Variants in EDIL3 observed in about 807,000 individuals in gnomAD.
EDIL3 encodes the protein EGF like and discoidin domains 3.
EDIL3 carries 37 observed loss-of-function variants against 67.4 expected under a neutral mutation model. The observed-to-expected ratio is 0.55, with a 90% CI of 0.42 to 0.72. The LOEUF (loss-of-function observed/expected upper bound fraction) is 0.72, where lower values mean the gene tolerates loss of function less well. EDIL3 is among the 30% of genes least tolerant of loss of function. EDIL3 has a pLI of 0.00. For missense variants in EDIL3, 527 were observed against 586.3 expected (o/e 0.90, Z 1.04); for synonymous variants, 195 against 196.3 (o/e 0.99, Z 0.05).
chr5:84,170,770 G>A (rs901002595), intron 4 of EDIL3, among the ~76,000 whole-genome samples: 3 of 151,668 alleles, frequency 2.0e-5, no homozygotes, highest in South Asian at 2.1e-4. Flanking sequence ...ATTATGAATC[G>A]GTTCTATTTT....
intron 3 of EDIL3, among the ~76,000 whole-genome samples, chr5:84,217,302 T>A (rs1389468566): frequency 6.6e-6 from 1 of 152,228 alleles, no homozygotes; most frequent in African/African-American, 2.4e-5. Context: ...ATCTATTTTC[T>A]CTGAAATAGG....
chr5:84,324,605 C>G (rs1295948666), intron 1 of EDIL3, among the ~76,000 whole-genome samples: 1 of 150,842 alleles, frequency 6.6e-6, no homozygotes, highest in Non-Finnish European at 1.5e-5. Context: ...AAAAACACTA[C>G]AGAAAACTAA....
chr5:83,981,792 TTTTTTA>T (rs1428944533), intron 9 of EDIL3, among the ~76,000 whole-genome samples: 1 of 152,076 alleles, frequency 6.6e-6, no homozygotes, highest in Non-Finnish European at 1.5e-5. Context: ...TTTATTATCA[TTTTTTA>T]TTATTACTAC....
At chr5:83,950,324 AG>A (rs1393823417) in intron 10 of EDIL3, among the ~76,000 whole-genome samples, 3 of 151,858 alleles carry the variant, frequency 2.0e-5, no homozygotes. Context: ...TGATGTCAAA[AG>A]TGAGGGTGGG....
intron 1 of EDIL3, among the ~76,000 whole-genome samples, chr5:84,267,474 A>T (rs773026885): frequency 6.6e-5 from 10 of 152,246 alleles, no homozygotes; most frequent in Non-Finnish European, 1.0e-4. Flanking sequence ...ATACCAGAAT[A>T]GACCAGCTTT....
At chr5:84,041,242 C>A (rs74872602) in intron 9 of EDIL3, among the ~76,000 whole-genome samples, 1,739 of 151,814 alleles carry the variant, frequency 0.011, 45 homozygotes, top group African/African-American at 0.039. Flanking sequence ...GCACAAGAAC[C>A]CAAATATATT....
intron 1 of EDIL3, among the ~76,000 whole-genome samples, chr5:84,352,648 G>A (rs2112190861): frequency 6.6e-6 from 1 of 152,168 alleles, no homozygotes; most frequent in East Asian, 1.9e-4. Context: ...TGGTGGGAGG[G>A]TAGAAGGAGA....
chr5:84,311,728 C>A (rs1344704941), intron 1 of EDIL3, among the ~76,000 whole-genome samples: 1 of 152,110 alleles, frequency 6.6e-6, no homozygotes, highest in African/African-American at 2.4e-5. Context: ...GTTTGTGTCC[C>A]TGGGTACTTG....
chr5:84,371,794 T>C (rs1472078197), intron 1 of EDIL3, among the ~76,000 whole-genome samples: 2 of 152,080 alleles, frequency 1.3e-5, no homozygotes, highest in South Asian at 4.1e-4. Context: ...ATAATATATA[T>C]TCTACCTACA....
intron 4 of EDIL3, among the ~76,000 whole-genome samples, chr5:84,150,373 T>C (rs919926304): frequency 6.6e-6 from 1 of 152,144 alleles, no homozygotes; most frequent in African/African-American, 2.4e-5. Context: ...TGGGAGAACA[T>C]ATTTGCAAAT....
chr5:84,037,985 C>CTTTTTTTTTTTTTTTTTTTTT (rs1580292622), intron 9 of EDIL3, among the ~76,000 whole-genome samples: 1 of 99,648 alleles, frequency 1.0e-5, no homozygotes, highest in African/African-American at 5.3e-5. Context: ...TTCTTTCTTT[C>CTTTTTTTTTTTTTTTTTTTTT]TTGTTTTTTT....
At chr5:84,371,008 A>G (rs573189063) in intron 1 of EDIL3, among the ~76,000 whole-genome samples, 3 of 152,108 alleles carry the variant, frequency 2.0e-5, no homozygotes, top group Admixed American at 2.0e-4. Context: ...CTGGGTATAC[A>G]TTAAGGAACA....
chr5:84,067,362 CACTT>C (rs1461325475), intron 6 of EDIL3, among the ~76,000 whole-genome samples: 4 of 152,044 alleles, frequency 2.6e-5, no homozygotes, highest in African/African-American at 9.7e-5. Context: ...TGACACTTAA[CACTT>C]AATAACTAAA....
chr5:84,336,300 T>C (rs1178042083), intron 1 of EDIL3, among the ~76,000 whole-genome samples: 3 of 152,188 alleles, frequency 2.0e-5, no homozygotes, highest in African/African-American at 7.2e-5. Flanking sequence ...AAGGTGAGAC[T>C]GCAAAGGTAA....
Position 84,132,537 on chromosome 5 carries a change from T to A in EDIL3, c.469+4704A>T, listed in dbSNP as rs1424468774. On this transcript the variant is annotated intron_variant, in intron 5 of 10. Coordinates refer to ENST00000296591, the MANE Select transcript of EDIL3 (RefSeq NM_005711.5). ...TATATTTTAATATATATTATATATT[T>A]TATATATAATATATATTTTATATAT... Among the ~76,000 whole-genome samples the A allele has an allele frequency of 3.2e-4, 38 of 118,020 alleles. 1 individual carries two copies. The highest frequency in any genetic ancestry group is 1.3e-3 in the African/African-American group (37 of 29,548). 77.4% of individuals were successfully genotyped at this position (118,020 alleles called of 152,430 possible).
intron 3 of EDIL3, among the ~76,000 whole-genome samples, chr5:84,212,939 C>T (rs956170091): frequency 6.6e-6 from 1 of 150,972 alleles, no homozygotes; most frequent in Non-Finnish European, 1.5e-5. Context: ...TAACCTACCA[C>T]TACCCACCAA....
chr5:84,024,976 C>T (rs762264692), intron 9 of EDIL3, among the ~76,000 whole-genome samples: 5 of 152,042 alleles, frequency 3.3e-5, no homozygotes, highest in Admixed American at 6.6e-5. Context: ...ATCTCTCTCT[C>T]TCTCCCTTTT....
At chr5:83,994,725 G>A (rs1458274498) in intron 9 of EDIL3, among the ~76,000 whole-genome samples, 2 of 152,092 alleles carry the variant, frequency 1.3e-5, no homozygotes, top group Non-Finnish European at 1.5e-5. Context: ...TATACTAGGT[G>A]TATTTCCACC....
chr5:84,046,578 G>T (rs1218850362), intron 9 of EDIL3, among the ~76,000 whole-genome samples: 6 of 152,130 alleles, frequency 3.9e-5, no homozygotes, highest in Non-Finnish European at 7.3e-5. Context: ...AAGACAAAAT[G>T]AGATTACTGA....
Sources: allele counts gnomAD v4.1 joint callset (sites outside exome capture counted in the v4.1 genomes callset), GRCh38; gene constraint gnomAD v4.1.1; transcripts MANE v1.5; gene names NCBI Gene and HGNC (gene_info 2026-07-23, HGNC 2026-07-21).